Variants in DIS3L2 observed in about 807,000 individuals in gnomAD.
DIS3L2 encodes the protein DIS3-like exonuclease 2.
In DIS3L2, 34 loss-of-function variants were observed where a neutral mutation model predicts 97.5. The observed-to-expected ratio is 0.35, with a 90% CI of 0.27 to 0.46. The LOEUF (loss-of-function observed/expected upper bound fraction) is 0.46, where lower values mean the gene tolerates loss of function less well. DIS3L2 is among the 20% of genes least tolerant of loss of function. The probability of loss-of-function intolerance (pLI) is 1.00; values close to 1 mark genes in which losing one functional copy is unlikely to be tolerated. For missense variants in DIS3L2, 1,038 were observed against 1,146.0 expected (o/e 0.91, Z 1.36); for synonymous variants, 435 against 445.2 (o/e 0.98, Z 0.29).
At chr2:232,218,513 C>T (rs576529699) in intron 10 of DIS3L2, among the ~76,000 whole-genome samples, 3 of 152,124 alleles carry the variant, frequency 2.0e-5, no homozygotes, top group Non-Finnish European at 2.9e-5. Context: ...TTTGGGAGGC[C>T]GAGGTGGGAG....
chr2:232,048,235 T>A (rs1695296898), intron 5 of DIS3L2, among the ~76,000 whole-genome samples: 2 of 152,200 alleles, frequency 1.3e-5, no homozygotes, highest in South Asian at 4.1e-4. Flanking sequence ...ATTACTTGTT[T>A]TCTTTGGCAT....
intron 4 of DIS3L2, 136 bp from the exon 5 acceptor site, chr2:232,029,843 A>G: frequency 3.2e-6 from 2 of 621,814 alleles, no homozygotes; most frequent in Non-Finnish European, 5.5e-6. Flanking sequence ...AGGTATCAGC[A>G]TGCTTTATTT....
chr2:232,186,154 T>C (rs944092047), intron 9 of DIS3L2, among the ~76,000 whole-genome samples: 1 of 152,060 alleles, frequency 6.6e-6, no homozygotes, highest in Non-Finnish European at 1.5e-5. Context: ...TGAAAAAAAT[T>C]AATAAAACTG....
intron 12 of DIS3L2, among the ~76,000 whole-genome samples, chr2:232,258,174 A>G (rs1011004960): frequency 1.3e-5 from 2 of 152,146 alleles, no homozygotes; most frequent in Non-Finnish European, 2.9e-5. Flanking sequence ...TCCCAGTAAT[A>G]CGCCTTCAGT....
intron 1 of DIS3L2, among the ~76,000 whole-genome samples, chr2:231,976,969 A>T (rs1296887975): frequency 6.6e-6 from 1 of 151,838 alleles, no homozygotes; most frequent in East Asian, 1.9e-4. Context: ...GGGTTTCACC[A>T]TGTTAGCCAG....
chr2:232,030,994 C>T (rs1173205967), intron 5 of DIS3L2, among the ~76,000 whole-genome samples: 1 of 152,020 alleles, frequency 6.6e-6, no homozygotes, highest in African/African-American at 2.4e-5. Flanking sequence ...GGCTTTTAGG[C>T]TAGGCTACTT....
At chr2:232,086,617 A>ATATATATATATACACATATATATATGTG (rs1468310094) in intron 5 of DIS3L2, among the ~76,000 whole-genome samples, 2 of 118,834 alleles carry the variant, frequency 1.7e-5, no homozygotes, top group African/African-American at 3.3e-5. Flanking sequence ...GTGTGTGTAT[A>ATATATATATATACACATATATATATGTG]TATATATATA....
chr2:232,016,199 T>C (rs1376420150), intron 3 of DIS3L2, among the ~76,000 whole-genome samples: 1 of 152,236 alleles, frequency 6.6e-6, no homozygotes, highest in African/African-American at 2.4e-5. Flanking sequence ...TGTTGAGTGC[T>C]TTATACTTTA....
At chr2:232,030,936 GGT>G (rs1694788876) in intron 5 of DIS3L2, among the ~76,000 whole-genome samples, 1 of 151,878 alleles carries the variant, frequency 6.6e-6, no homozygotes, top group Admixed American at 6.6e-5. Flanking sequence ...TGAAGAATTT[GGT>G]GTCTTCTTCA....
chr2:231,965,639 A>G (rs940648359), intron 1 of DIS3L2, among the ~76,000 whole-genome samples: 2 of 152,194 alleles, frequency 1.3e-5, no homozygotes, highest in African/African-American at 4.8e-5. Flanking sequence ...ACTTGGTACC[A>G]GGCACTATGC....
At chr2:232,243,517 G>C (rs1693164176) in intron 11 of DIS3L2, among the ~76,000 whole-genome samples, 1 of 152,052 alleles carries the variant, frequency 6.6e-6, no homozygotes. Context: ...ATATCCTCTT[G>C]AGGCTCTGAA....
chr2:232,290,130 C>T (rs929521115), intron 13 of DIS3L2, among the ~76,000 whole-genome samples: 6 of 152,192 alleles, frequency 3.9e-5, no homozygotes, highest in Admixed American at 1.3e-4. Flanking sequence ...GATGTTCTAA[C>T]GCAGTCATCC....
chr2:232,337,464 G>A (rs148777437), downstream of DIS3L2, among the ~76,000 whole-genome samples: 815 of 152,222 alleles, frequency 5.4e-3, 10 homozygotes, highest in African/African-American at 0.018. Context: ...GCCCTCCAGT[G>A]CCTTCCAAAC....
At chr2:232,011,797 A>G (rs1416467476) in intron 1 of DIS3L2, among the ~76,000 whole-genome samples, 1 of 151,826 alleles carries the variant, frequency 6.6e-6, no homozygotes, top group South Asian at 2.1e-4. Flanking sequence ...TTACAGGCGC[A>G]TGCCACCTTG....
chr2:232,213,749 G>A (rs7602768), intron 10 of DIS3L2, among the ~76,000 whole-genome samples: 1 of 141,102 alleles, frequency 7.1e-6, no homozygotes, highest in Admixed American at 7.6e-5. Flanking sequence ...TCTGTGAAAA[G>A]CAGACAAATA....
At chr2:232,333,756 G>A (rs752522162) in intron 16 of DIS3L2, 84 bp from the exon 17 acceptor site, 95 of 1,487,080 alleles carry the variant, frequency 6.4e-5, no homozygotes, top group Middle Eastern at 1.8e-4. Context: ...CGCTGCCGAC[G>A]GTGAGGCTGT....
chr2:232,176,154 G>A (rs975663260), intron 9 of DIS3L2, among the ~76,000 whole-genome samples: 1 of 152,214 alleles, frequency 6.6e-6, no homozygotes, highest in Non-Finnish European at 1.5e-5. Context: ...GCCTCCCAAA[G>A]TGCTGGGATT....
At chr2:232,210,524 C>T (rs72992373) in intron 10 of DIS3L2, 119 bp downstream of exon 10, 12,358 of 859,250 alleles carry the variant, frequency 0.014, 127 homozygotes, top group Non-Finnish European at 0.017. Flanking sequence ...TTGCTTCGTG[C>T]CTGAACTTGC....
At chr2:232,029,865 G>A in intron 4 of DIS3L2, 114 bp from the exon 5 acceptor site, 1 of 729,436 alleles carries the variant, frequency 1.4e-6, no homozygotes. Context: ...ATACGAAAAA[G>A]GATAACCTAA....
Sources: gnomAD v4.1 joint callset for allele counts (sites outside exome capture counted in the v4.1 genomes callset) on GRCh38, gnomAD v4.1.1 for gene constraint, MANE v1.5 for transcripts, NCBI Gene and HGNC (gene_info 2026-07-23, HGNC 2026-07-21) for gene names.